Variants in GOLM2 observed in about 807,000 individuals in gnomAD.
GOLM2 encodes golgi membrane protein 2, also known as protein GOLM2.
A neutral mutation model predicts 55.9 loss-of-function variants in GOLM2; 26 were observed. That is an observed-to-expected ratio of 0.47 (90% CI 0.34 to 0.65). The LOEUF (loss-of-function observed/expected upper bound fraction) is 0.65. Ranked by LOEUF, GOLM2 falls within the 30% of genes least tolerant of loss-of-function variation. GOLM2 has a pLI of 0.01. For missense variants in GOLM2, 486 were observed against 531.8 expected (o/e 0.91, Z 0.85); for synonymous variants, 165 against 194.6 (o/e 0.85, Z 1.27).
chr15:44,381,173 G>A (rs974918791), intron 8 of GOLM2, among the ~76,000 whole-genome samples, 197 bp downstream of exon 8: 3 of 152,126 alleles, frequency 2.0e-5, no homozygotes, highest in African/African-American at 7.2e-5. Flanking sequence ...ACTTTAAAAA[G>A]GTTCTCATGT....
rs368849113 is a variant in GOLM2, at chr15:44,289,011, T to C, written c.-19T>C. On this transcript the variant is annotated 5_prime_UTR_variant, in exon 1 of 10. Transcript: ENST00000299957. The surrounding 1 kb of genome is among the most constrained non-coding windows in gnomAD (Gnocchi z 4.8). The stretch of plus-strand genomic sequence containing the variant: ...GGTGTCTGCGGCGAGGCCCCTAGGG[T>C]ACAGCCCGATTTGGCCCCATGGTGG... 118 of 1,605,988 alleles carry C rather than the reference T, an allele frequency of 7.3e-5. No homozygotes were observed. Among genetic ancestry groups the C allele is most frequent in the East Asian group, 2.2e-4 (10 of 44,828 alleles).
At chr15:44,382,920 C>CAA (rs748415327) in intron 8 of GOLM2, among the ~76,000 whole-genome samples, 6 of 57,650 alleles carry the variant, frequency 1.0e-4, no homozygotes, top group South Asian at 5.4e-4. Flanking sequence ...GAGACTCTGT[C>CAA]AAAAAAAAAA....
intron 6 of GOLM2, among the ~76,000 whole-genome samples, chr15:44,353,747 G>A (rs187192165): frequency 6.6e-5 from 10 of 152,216 alleles, no homozygotes; most frequent in African/African-American, 2.4e-4. Flanking sequence ...TGAACTCATG[G>A]GAATAGAGAG....
In GOLM2 at chr15:44,407,000, T is replaced by C. The variant is rs2079601210; in HGVS notation, c.1240+3946T>C. 5 of 150,598 alleles carry C rather than the reference T, an allele frequency of 3.3e-5. No individual in the cohort carries two copies. The South Asian group carries it at 1.0e-3, about 31-fold the overall frequency. The allele number at this position is 150,598 out of a possible 1,614,324, so 9.3% of individuals were successfully genotyped here. On this transcript the variant is annotated intron_variant, in intron 9 of 9. Transcript: ENST00000299957. ...CTACTTGTAGAGTGTTTTGTAGAATTGAGGCCTATTTTTCCTGTGTTTACA... is the reference window on the plus strand; with the variant it reads ...CTACTTGTAGAGTGTTTTGTAGAATCGAGGCCTATTTTTCCTGTGTTTACA...
At chr15:44,298,678 T>G (rs1376922117) in intron 1 of GOLM2, among the ~76,000 whole-genome samples, 3 of 152,218 alleles carry the variant, frequency 2.0e-5, no homozygotes, top group Non-Finnish European at 4.4e-5. Context: ...AACTTCGTTT[T>G]CTCAACGAAA....
At chr15:44,376,289 T>C (rs901477111) in intron 6 of GOLM2, among the ~76,000 whole-genome samples, 25 of 152,142 alleles carry the variant, frequency 1.6e-4, no homozygotes, top group Admixed American at 1.3e-4. Context: ...GTTTCTTGTT[T>C]TTAAGACAGT....
At chr15:44,331,915 G>C in intron 3 of GOLM2, 73 bp from the exon 4 acceptor site, 1 of 1,005,366 alleles carries the variant, frequency 9.9e-7, no homozygotes, top group Non-Finnish European at 1.6e-6. Context: ...TCTTATGTAT[G>C]TGTCAACTTC....
chr15:44,404,534 A>C (rs1047743363), intron 9 of GOLM2, among the ~76,000 whole-genome samples: 1 of 152,082 alleles, frequency 6.6e-6, no homozygotes, highest in African/African-American at 2.4e-5. Flanking sequence ...TACTTTTTCT[A>C]TAATCTCATC....
chr15:44,378,892 C>T (rs939153076), intron 6 of GOLM2, among the ~76,000 whole-genome samples: 9 of 151,674 alleles, frequency 5.9e-5, no homozygotes, highest in African/African-American at 1.7e-4. Flanking sequence ...ATTATAGACA[C>T]GCACCACCAC....
intron 4 of GOLM2, among the ~76,000 whole-genome samples, chr15:44,336,927 A>T (rs572607796): frequency 6.6e-6 from 1 of 152,240 alleles, no homozygotes; most frequent in South Asian, 2.1e-4. Context: ...GAAATAAATA[A>T]TAATAAAAAA....
In GOLM2 at chr15:44,298,518, C is replaced by A. The variant is rs532520272; in HGVS notation, c.327+9162C>A. ...CTCGAACTCCTAACCTCAGGTGATC[C>A]ACCCACCTGGGCCTCCCAAAGTGCT... On this transcript the variant is annotated intron_variant, in intron 1 of 9. Transcript: ENST00000299957. Among the ~76,000 whole-genome samples, 47 of 151,710 alleles carry A rather than the reference C, an allele frequency of 3.1e-4. No homozygotes were observed. The South Asian group carries it at 9.6e-3, about 31-fold the overall frequency.
chr15:44,350,405 C>G (rs1388989903), intron 6 of GOLM2, among the ~76,000 whole-genome samples: 2 of 152,132 alleles, frequency 1.3e-5, no homozygotes, highest in African/African-American at 4.8e-5. Flanking sequence ...CACATACAGT[C>G]TACTAAGATA....
intron 1 of GOLM2, chr15:44,308,149 A>G (rs917268758): frequency 6.6e-6 from 1 of 152,212 alleles, no homozygotes; most frequent in Admixed American, 6.5e-5. Context: ...CATGATTACT[A>G]CCATCTATTT....
chr15:44,355,902 AAAAAT>A (rs980050890), intron 6 of GOLM2, among the ~76,000 whole-genome samples: 5 of 152,212 alleles, frequency 3.3e-5, no homozygotes, highest in Admixed American at 3.3e-4. Flanking sequence ...GTACTCAGCC[AAAAAT>A]AAAATAAAAT....
At chr15:44,407,111 TTATAA>T (rs200092765) in intron 9 of GOLM2, among the ~76,000 whole-genome samples, 2,193 of 146,748 alleles carry the variant, frequency 0.015, 66 homozygotes, top group African/African-American at 0.051. Context: ...GTTTGCATAT[TTATAA>T]TATATTTATA....
chr15:44,394,955 A>G (rs2079514726), intron 8 of GOLM2, among the ~76,000 whole-genome samples: 1 of 152,088 alleles, frequency 6.6e-6, no homozygotes, highest in Non-Finnish European at 1.5e-5. Context: ...TAGCTCTAAT[A>G]GTTTCATTTT....
chr15:44,311,497 GTA>G (rs1289288377), intron 1 of GOLM2, among the ~76,000 whole-genome samples: 10 of 151,882 alleles, frequency 6.6e-5, no homozygotes, highest in African/African-American at 1.7e-4. Flanking sequence ...TGGTAAGTGT[GTA>G]TGTGGTAAAA....
intron 9 of GOLM2, among the ~76,000 whole-genome samples, chr15:44,410,044 A>G (rs1323566212): frequency 6.6e-6 from 1 of 152,168 alleles, no homozygotes; most frequent in Non-Finnish European, 1.5e-5. Flanking sequence ...TCATTATATT[A>G]AAGTCCTAAA....
At chr15:44,302,090 G>T (rs2078802666) in intron 1 of GOLM2, among the ~76,000 whole-genome samples, 1 of 151,654 alleles carries the variant, frequency 6.6e-6, no homozygotes, top group Non-Finnish European at 1.5e-5. Flanking sequence ...GAAAAGATTT[G>T]TGAGTCATGT....
Sources: gnomAD v4.1 joint callset for allele counts (sites outside exome capture counted in the v4.1 genomes callset) on GRCh38, gnomAD v4.1.1 for gene constraint, Gnocchi (gnomAD v3.1) non-coding constraint, MANE v1.5 for transcripts, NCBI Gene and HGNC (gene_info 2026-07-23, HGNC 2026-07-21) for gene names.